AOAH: variants seen among roughly 807,000 people sequenced by gnomAD.
The protein encoded by AOAH is acyloxyacyl hydrolase (neutrophil).
A neutral mutation model predicts 92.2 loss-of-function variants in AOAH; 64 were observed. The ratio of observed to expected loss-of-function variants is 0.69; its 90% CI spans 0.57 to 0.86. AOAH has a LOEUF of 0.86. Among genes scored for constraint, AOAH ranks in the 40% least tolerant of loss-of-function variants. The probability of loss-of-function intolerance (pLI) is 0.00; values close to 1 mark genes in which losing one functional copy is unlikely to be tolerated. For missense variants in AOAH, 656 were observed against 694.6 expected (o/e 0.94, Z 0.62); for synonymous variants, 263 against 254.5 (o/e 1.03, Z -0.32).
intron 1 of AOAH, among the ~76,000 whole-genome samples, chr7:36,713,699 A>G (rs1287251620): frequency 6.6e-6 from 1 of 152,208 alleles, no homozygotes; most frequent in African/African-American, 2.4e-5. Flanking sequence ...CAAACATGGA[A>G]ACTGAACAAC....
intron 1 of AOAH, among the ~76,000 whole-genome samples, chr7:36,715,347 A>G (rs1584184565): frequency 6.6e-6 from 1 of 152,336 alleles, no homozygotes; most frequent in African/African-American, 2.4e-5. Context: ...ATGGAAGAAC[A>G]TTCCATGCTC....
chr7:36,550,621 G>A (rs1202593552), intron 13 of AOAH, among the ~76,000 whole-genome samples: 2 of 152,172 alleles, frequency 1.3e-5, no homozygotes, highest in Admixed American at 6.5e-5. Context: ...CCTCTAGGCT[G>A]TAGTTGAGAA....
At chr7:36,637,361 G>T (rs1165179559) in intron 5 of AOAH, among the ~76,000 whole-genome samples, 1 of 152,162 alleles carries the variant, frequency 6.6e-6, no homozygotes, top group Non-Finnish European at 1.5e-5. Flanking sequence ...CAGTGAAGTT[G>T]AGCACCGTGC....
chr7:36,703,986 T>C (rs1798214196), intron 1 of AOAH, among the ~76,000 whole-genome samples: 1 of 152,210 alleles, frequency 6.6e-6, no homozygotes, highest in African/African-American at 2.4e-5. Context: ...TTCCTGACTT[T>C]TTAATGATCA....
In AOAH at chr7:36,548,632, A is replaced by C; in HGVS notation, c.1113T>G (p.Ile371Met). 3 of 1,613,822 alleles carry C rather than the reference A, an allele frequency of 1.9e-6. No individual in the cohort carries two copies. Among genetic ancestry groups the C allele is most frequent in the Non-Finnish European group, 2.5e-6 (3 of 1,179,778 alleles). The change falls in exon 15 of 21, where the codon ATT (isoleucine) becomes ATG (methionine). Residue 371 changes from isoleucine (I) to methionine (M), a missense_variant. Ile to Met is a conservative substitution (Grantham distance 10). Transcript: ENST00000617537. ...CTCACCCACTGCAGACATCATTTCC[A>C]ATCATGGCATATATAACGATGGCGG... ...DYPAIVIYAM[I>M]GNDVCSGKSD...
intron 3 of AOAH, among the ~76,000 whole-genome samples, chr7:36,670,120 T>C (rs1434543349): frequency 1.3e-5 from 2 of 152,320 alleles, no homozygotes; most frequent in South Asian, 2.1e-4. Flanking sequence ...ATGTAATTGC[T>C]GCACAATTAG....
intron 6 of AOAH, among the ~76,000 whole-genome samples, chr7:36,625,832 A>G (rs902894266): frequency 3.3e-5 from 5 of 152,122 alleles, no homozygotes; most frequent in African/African-American, 1.2e-4. Context: ...TGCAGGAGAG[A>G]AGCTAGGGCA....
At chr7:36,565,484 G>T (rs1787628730) in intron 13 of AOAH, among the ~76,000 whole-genome samples, 1 of 151,528 alleles carries the variant, frequency 6.6e-6, no homozygotes, top group Non-Finnish European at 1.5e-5. Context: ...TGCAAAAGTA[G>T]AACAAAGGAT....
intron 13 of AOAH, among the ~76,000 whole-genome samples, chr7:36,554,723 A>G (rs369938738): frequency 2.0e-5 from 3 of 150,448 alleles, no homozygotes; most frequent in East Asian, 3.9e-4. Context: ...TGGATTCCTA[A>G]GTATTTTATT....
At chr7:36,594,989 G>A (rs894811718) in intron 11 of AOAH, among the ~76,000 whole-genome samples, 9 of 151,942 alleles carry the variant, frequency 5.9e-5, no homozygotes, top group Admixed American at 3.9e-4. Context: ...GGAGGCTCAC[G>A]GACCCCCTGC....
chr7:36,673,097 G>A (rs1796025076), intron 3 of AOAH, among the ~76,000 whole-genome samples: 2 of 152,216 alleles, frequency 1.3e-5, no homozygotes, highest in African/African-American at 4.8e-5. Flanking sequence ...AGACTGTTTT[G>A]GGTGGTGGGT....
At chr7:36,536,328 T>G (rs773614861) in intron 16 of AOAH, among the ~76,000 whole-genome samples, 1 of 152,240 alleles carries the variant, frequency 6.6e-6, no homozygotes, top group Non-Finnish European at 1.5e-5. Flanking sequence ...CTAAACACTA[T>G]GATCACCACA....
intron 11 of AOAH, among the ~76,000 whole-genome samples, chr7:36,612,303 CATACT>C (rs1475370280): frequency 1.3e-5 from 2 of 152,148 alleles, no homozygotes; most frequent in Non-Finnish European, 2.9e-5. Context: ...TTGGCTCATA[CATACT>C]ATTTTGTAAC....
chr7:36,682,026 T>G (rs1036691046), intron 2 of AOAH, among the ~76,000 whole-genome samples: 4 of 152,200 alleles, frequency 2.6e-5, no homozygotes, highest in African/African-American at 9.6e-5. Flanking sequence ...AATCCCCAGA[T>G]AGCTGACAGG....
rs189031931 is a variant in AOAH at position 36,723,456 on chromosome 7, G to A, written c.127+566C>T. The stretch of plus-strand genomic sequence containing the variant: ...GCCAAATCTGGATTCTCTGAGAGAC[G>A]GAAGGAAGCTAAGATGGTTGAGTCC... On this transcript the variant is annotated intron_variant, in intron 1 of 20. Coordinates refer to ENST00000617537, the MANE Select transcript of AOAH (RefSeq NM_001637.4). Among the ~76,000 whole-genome samples, 411 of 152,288 alleles carry A rather than the reference G, an allele frequency of 2.7e-3. 6 individuals carry two copies. The highest frequency in any genetic ancestry group is 4.4e-3 in the Non-Finnish European group (301 of 68,008).
At chr7:36,557,474 C>A (rs947765434) in intron 13 of AOAH, among the ~76,000 whole-genome samples, 2 of 151,956 alleles carry the variant, frequency 1.3e-5, no homozygotes, top group African/African-American at 4.8e-5. Context: ...TGGAGTTGCT[C>A]TTCTCGAGGA....
chr7:36,680,889 TTCAGCCTC>T (rs1483535614), intron 2 of AOAH, among the ~76,000 whole-genome samples: 2 of 152,194 alleles, frequency 1.3e-5, no homozygotes, highest in African/African-American at 4.8e-5. Context: ...GAATCTGACT[TTCAGCCTC>T]TCACTTGATC....
At chr7:36,673,008 T>C (rs1796020601) in intron 3 of AOAH, among the ~76,000 whole-genome samples, 1 of 152,180 alleles carries the variant, frequency 6.6e-6, no homozygotes, top group South Asian at 2.1e-4. Flanking sequence ...GAATTTAGGA[T>C]GATGCTCACT....
At chr7:36,566,166 G>A (rs1367795788) in intron 13 of AOAH, among the ~76,000 whole-genome samples, 2 of 150,290 alleles carry the variant, frequency 1.3e-5, no homozygotes, top group Non-Finnish European at 2.9e-5. Context: ...TTACATTCAG[G>A]TTATGCAATT....
Sources: gnomAD v4.1 joint callset for allele counts (sites outside exome capture counted in the v4.1 genomes callset) on GRCh38, gnomAD v4.1.1 for gene constraint, MANE v1.5 for transcripts, NCBI Gene and HGNC (gene_info 2026-07-23, HGNC 2026-07-21) for gene names.